FHIT: variants seen among roughly 807,000 people sequenced by gnomAD.
FHIT encodes bis(5'-adenosyl)-triphosphatase.
Under a neutral mutation model 17.9 loss-of-function variants are expected in FHIT, and 19 were observed. The observed-to-expected ratio is 1.06, with a 90% CI of 0.74 to 1.56. The LOEUF (loss-of-function observed/expected upper bound fraction) is 1.56, where lower values mean the gene tolerates loss of function less well. FHIT is among the 40% of genes most tolerant of loss of function. The pLI, the probability that FHIT is intolerant of heterozygous loss-of-function variation, is 0.00. For synonymous variants in FHIT, 81 were observed against 69.7 expected (o/e 1.16, Z -0.81); for missense variants, 248 against 189.2 (o/e 1.31, Z -1.82).
At chr3:60,589,516 ATAAACATTTAGACTTTTTC>A (rs1165374100) in intron 4 of FHIT, among the ~76,000 whole-genome samples, 2 of 152,186 alleles carry the variant, frequency 1.3e-5, no homozygotes, top group Non-Finnish European at 2.9e-5. Flanking sequence ...GTTCACTTTA[ATAAACATTTAGACTTTTTC>A]TAATCCTTTG....
chr3:60,909,869 G>A (rs1706637800), intron 3 of FHIT, among the ~76,000 whole-genome samples: 1 of 152,068 alleles, frequency 6.6e-6, no homozygotes, highest in Non-Finnish European at 1.5e-5. Context: ...TGACCTCCCA[G>A]CCTGCCTCAG....
intron 7 of FHIT, among the ~76,000 whole-genome samples, chr3:59,979,152 A>G (rs983691320): frequency 2.6e-5 from 4 of 152,142 alleles, no homozygotes; most frequent in African/African-American, 9.7e-5. Context: ...ACTGAGGCTG[A>G]GAGAGCACAG....
chr3:60,744,261 A>AAAAAAAAAAAAAAAAAAAAAAAAAG (rs2042303010), intron 4 of FHIT, among the ~76,000 whole-genome samples: 1 of 79,088 alleles, frequency 1.3e-5, no homozygotes. Context: ...AAAAAAACAA[A>AAAAAAAAAAAAAAAAAAAAAAAAAG]ACAAAACAAA....
chr3:60,232,608 C>T (rs900826404), intron 5 of FHIT, among the ~76,000 whole-genome samples: 14 of 152,200 alleles, frequency 9.2e-5, no homozygotes, highest in African/African-American at 2.4e-4. Flanking sequence ...GTCCCACATT[C>T]GCTGGGTTTC....
At chr3:60,176,009 A>T (rs753698006) in intron 5 of FHIT, among the ~76,000 whole-genome samples, 14 of 152,224 alleles carry the variant, frequency 9.2e-5, no homozygotes, top group Non-Finnish European at 1.6e-4. Context: ...TGTAGCTGAA[A>T]GACGAGTTTT....
chr3:61,176,970 T>C (rs2038175751), intron 2 of FHIT, among the ~76,000 whole-genome samples: 1 of 152,110 alleles, frequency 6.6e-6, no homozygotes, highest in South Asian at 2.1e-4. Context: ...GGTAAGGAGA[T>C]CGAGACCATC....
At position 59,913,453 on chromosome 3, in the gene FHIT, T is replaced by C. The variant is rs886378291; in HGVS notation, c.348+8893A>G. The stretch of plus-strand genomic sequence containing the variant: ...ATGAGCTGGTTATGAGGTTTTGACA[T>C]AGATATTTACTCTCTGCAAATTTAG... On this transcript the variant is annotated intron_variant, in intron 8 of 9. Coordinates refer to ENST00000492590, the MANE Select transcript of FHIT (RefSeq NM_002012.4). 2.0e-5 allele frequency among the ~76,000 whole-genome samples: 3 copies of C among 152,318 alleles called. 1 individual carries two copies. The highest frequency in any genetic ancestry group is 4.8e-5 in the African/African-American group (2 of 41,588).
chr3:60,749,561 A>G (rs2042426299), intron 4 of FHIT, among the ~76,000 whole-genome samples: 1 of 152,240 alleles, frequency 6.6e-6, no homozygotes, highest in Admixed American at 6.5e-5. Flanking sequence ...ACTTAAAAGC[A>G]TTAAGCCAAG....
At chr3:61,161,138 A>AT (rs2037679809) in intron 2 of FHIT, among the ~76,000 whole-genome samples, 1 of 104,944 alleles carries the variant, frequency 9.5e-6, no homozygotes, top group South Asian at 3.7e-4. Context: ...ATCCACAGTT[A>AT]AAAAAAAAAA....
intron 3 of FHIT, among the ~76,000 whole-genome samples, chr3:60,987,157 A>G (rs6777567): frequency 0.054 from 8,282 of 152,298 alleles, 760 homozygotes; most frequent in African/African-American, 0.19. Flanking sequence ...AAAACATGAT[A>G]TAATAGGCAT....
chr3:60,310,170 A>T (rs978992210), intron 5 of FHIT, among the ~76,000 whole-genome samples: 2 of 152,112 alleles, frequency 1.3e-5, no homozygotes, highest in African/African-American at 4.8e-5. Context: ...ACCAAAATGG[A>T]TTTCATGGAT....
intron 5 of FHIT, among the ~76,000 whole-genome samples, chr3:60,140,371 T>A (rs1034817468): frequency 6.6e-6 from 1 of 151,990 alleles, no homozygotes. Flanking sequence ...GCACATGACA[T>A]GGCTGGATCA....
At chr3:60,634,392 C>A (rs1424239414) in intron 4 of FHIT, among the ~76,000 whole-genome samples, 2 of 152,132 alleles carry the variant, frequency 1.3e-5, no homozygotes, top group Non-Finnish European at 2.9e-5. Flanking sequence ...AGAAGCTGCC[C>A]GAGTAGGGCA....
chr3:59,800,944 C>G (rs1378728758), intron 8 of FHIT, among the ~76,000 whole-genome samples: 3 of 152,178 alleles, frequency 2.0e-5, no homozygotes, highest in South Asian at 2.1e-4. Flanking sequence ...GTGAAATTCC[C>G]AAGGATCCTG....
chr3:61,020,602 A>C lies in FHIT; in HGVS notation c.-111+21445T>G, dbSNP rs137860803. On this transcript the variant is annotated intron_variant, in intron 3 of 9. Transcript: ENST00000492590. ...TAAAGACCATCAACACTATGAAAAA[A>C]CTGCATCACCTAATGGGAAAAATAA... Among the ~76,000 whole-genome samples, 53 of 152,326 alleles carry C rather than the reference A, an allele frequency of 3.5e-4. No individual in the cohort carries two copies. The East Asian group carries it at 0.01, about 29-fold the overall frequency.
chr3:59,993,717 C>T (rs924095973), intron 7 of FHIT, among the ~76,000 whole-genome samples: 1 of 151,692 alleles, frequency 6.6e-6, no homozygotes, highest in Non-Finnish European at 1.5e-5. Flanking sequence ...ACTAGGACTC[C>T]CCCAACATTT....
intron 5 of FHIT, among the ~76,000 whole-genome samples, chr3:60,052,725 T>C (rs1430257910): frequency 6.7e-6 from 1 of 149,544 alleles, no homozygotes; most frequent in African/African-American, 2.4e-5. Flanking sequence ...TAGGATGGGA[T>C]GGGAAAAAGT....
At chr3:60,010,736 C>A (rs1473150339) in intron 7 of FHIT, among the ~76,000 whole-genome samples, 5 of 152,136 alleles carry the variant, frequency 3.3e-5, no homozygotes, top group Non-Finnish European at 7.4e-5. Context: ...ATTTTTACTA[C>A]AGAAGCAGAG....
intron 5 of FHIT, among the ~76,000 whole-genome samples, chr3:60,441,372 C>T (rs542778488): frequency 5.3e-5 from 8 of 151,862 alleles, no homozygotes; most frequent in East Asian, 1.9e-4. Context: ...GTTATGTTCT[C>T]GGGAAAAAGA....
Sources: gnomAD v4.1 joint callset for allele counts (sites outside exome capture counted in the v4.1 genomes callset) on GRCh38, gnomAD v4.1.1 for gene constraint, MANE v1.5 for transcripts, NCBI Gene and HGNC (gene_info 2026-07-23, HGNC 2026-07-21) for gene names.